The following C9orf85 variants were observed in gnomAD, a reference collection of about 807,000 sequenced individuals.
The protein encoded by C9orf85 is chromosome 9 open reading frame 85.
In C9orf85, 16 loss-of-function variants were observed where a neutral mutation model predicts 14.9. That is an observed-to-expected ratio of 1.08 (90% CI 0.73 to 1.63). The LOEUF (loss-of-function observed/expected upper bound fraction) is 1.63. Ranked by LOEUF, C9orf85 falls within the 40% of genes most tolerant of loss-of-function variation. The pLI is 0.00. For synonymous variants in C9orf85, 45 were observed against 56.8 expected, an observed-to-expected ratio of 0.79 and a Z score of 0.93; for missense variants, 172 against 186.1, an observed-to-expected ratio of 0.92 and a Z score of 0.44.
At chr9:71,960,172 G>C (rs1206791269) in intron 2 of C9orf85, among the ~76,000 whole-genome samples, 1 of 152,120 alleles carries the variant, frequency 6.6e-6, no homozygotes, top group Non-Finnish European at 1.5e-5. Context: ...GTAGAAGAGT[G>C]GTATGAATAA....
chr9:71,956,899 A>C (rs1291381082), intron 2 of C9orf85, among the ~76,000 whole-genome samples: 5 of 152,222 alleles, frequency 3.3e-5, no homozygotes, highest in Admixed American at 2.0e-4. Context: ...TCATGATAGA[A>C]TATATGACAA....
At chr9:71,938,463 G>A (rs1453020816) in intron 1 of C9orf85, among the ~76,000 whole-genome samples, 1 of 151,848 alleles carries the variant, frequency 6.6e-6, no homozygotes, top group Admixed American at 6.6e-5. Context: ...GAGACTTGTT[G>A]TATACTTTAT....
At chr9:71,926,554 C>G (rs1257224434) in intron 1 of C9orf85, among the ~76,000 whole-genome samples, 1 of 150,866 alleles carries the variant, frequency 6.6e-6, no homozygotes. Context: ...TTTAAAAACC[C>G]GAAACCCGAA....
chr9:71,942,301 G>T (rs1462814890), intron 1 of C9orf85, among the ~76,000 whole-genome samples: 1 of 152,224 alleles, frequency 6.6e-6, no homozygotes, highest in Non-Finnish European at 1.5e-5. Context: ...TAGGAAAGAT[G>T]AAACTTTGCA....
chr9:71,979,631 A>G (rs1416154819), intron 3 of C9orf85, among the ~76,000 whole-genome samples: 2 of 152,214 alleles, frequency 1.3e-5, no homozygotes, highest in Non-Finnish European at 2.9e-5. Context: ...AGACCCTTAA[A>G]TAATACCACC....
At chr9:71,921,955 A>G (rs1314638281) in intron 1 of C9orf85, among the ~76,000 whole-genome samples, 7 of 102,844 alleles carry the variant, frequency 6.8e-5, no homozygotes, top group Non-Finnish European at 3.8e-5. Context: ...TATTATTATT[A>G]TTTTGAAACA....
At chr9:71,943,254 TTTTTG>T (rs1203037326) in intron 1 of C9orf85, among the ~76,000 whole-genome samples, 7 of 17,314 alleles carry the variant, frequency 4.0e-4, no homozygotes, top group East Asian at 0.045. Context: ...TTTAATTCTG[TTTTTG>T]TTTGTTTTTT....
chr9:71,980,832 GGT>G (rs1823084897), intron 3 of C9orf85, among the ~76,000 whole-genome samples: 2 of 152,242 alleles, frequency 1.3e-5, no homozygotes, highest in South Asian at 4.1e-4. Flanking sequence ...ACACAAGGCA[GGT>G]GCAGTGTGAG....
intron 2 of C9orf85, among the ~76,000 whole-genome samples, chr9:71,955,791 G>T (rs1367508997): frequency 6.6e-6 from 1 of 152,200 alleles, no homozygotes; most frequent in East Asian, 1.9e-4. Flanking sequence ...TAGAAACTGA[G>T]CATACCACTC....
chr9:71,971,745 A>T, intron 3 of C9orf85, 127 bp downstream of exon 3: 1 of 570,984 alleles, frequency 1.8e-6, no homozygotes, highest in Middle Eastern at 4.7e-4. Context: ...AGGCCAAGGC[A>T]GGTGGATCAC....
chr9:71,919,876 A>C (rs1827749917), intron 1 of C9orf85, among the ~76,000 whole-genome samples: 1 of 142,916 alleles, frequency 7.0e-6, no homozygotes, highest in Non-Finnish European at 1.5e-5. Context: ...TTTTTTTGAG[A>C]CTGAATCTCT....
At chr9:71,959,796 A>T (rs1822469275) in intron 2 of C9orf85, among the ~76,000 whole-genome samples, 2 of 152,200 alleles carry the variant, frequency 1.3e-5, no homozygotes, top group African/African-American at 2.4e-5. Flanking sequence ...TAAGAACAAA[A>T]TTGTCTCTAG....
intron 1 of C9orf85, among the ~76,000 whole-genome samples, chr9:71,931,933 A>AAAT (rs1184099860): frequency 6.6e-6 from 1 of 152,176 alleles, no homozygotes; most frequent in Non-Finnish European, 1.5e-5. Context: ...TGCCTAGGGC[A>AAAT]GTGGTTCTTA....
At chr9:71,979,211 C>T (rs907125829) in intron 3 of C9orf85, among the ~76,000 whole-genome samples, 3 of 152,166 alleles carry the variant, frequency 2.0e-5, no homozygotes, top group Admixed American at 1.3e-4. Flanking sequence ...CACTCTGAGG[C>T]AGAATGATCT....
chr9:71,920,156 T>C (rs1827758564), intron 1 of C9orf85, among the ~76,000 whole-genome samples: 1 of 152,174 alleles, frequency 6.6e-6, no homozygotes, highest in Non-Finnish European at 1.5e-5. Flanking sequence ...GCCTAAAGCA[T>C]GTTTCTTAAT....
chr9:71,975,127 C>T (rs1455300118), downstream of C9orf85, among the ~76,000 whole-genome samples: 5 of 152,098 alleles, frequency 3.3e-5, no homozygotes, highest in Admixed American at 6.5e-5. Context: ...ACTCTGTCAA[C>T]AAAAATATAA....
chr9:71,913,853 T>G (rs1352224371), intron 1 of C9orf85, among the ~76,000 whole-genome samples: 3 of 151,692 alleles, frequency 2.0e-5, no homozygotes, highest in Admixed American at 6.6e-5. Flanking sequence ...TCAGGTTCAG[T>G]CACTAAGTTG....
intron 3 of C9orf85, among the ~76,000 whole-genome samples, chr9:71,979,318 G>T (rs975912922): frequency 1.3e-5 from 2 of 152,170 alleles, no homozygotes; most frequent in Non-Finnish European, 2.9e-5. Context: ...AATTTCTACA[G>T]TGTAAACTTA....
At chr9:71,956,242 G>GTT (rs60432625) in intron 2 of C9orf85, among the ~76,000 whole-genome samples, 75 of 50,944 alleles carry the variant, frequency 1.5e-3, no homozygotes, top group Middle Eastern at 0.02. Flanking sequence ...GAATGCAAAA[G>GTT]TTTTTTTTTT....
Sources: gnomAD v4.1 joint callset for allele counts (sites outside exome capture counted in the v4.1 genomes callset) on GRCh38, gnomAD v4.1.1 for gene constraint, MANE v1.5 for transcripts, NCBI Gene and HGNC (gene_info 2026-07-23, HGNC 2026-07-21) for gene names.